The following SPDYE18 variants were observed in gnomAD, a reference collection of about 807,000 sequenced individuals.
The protein encoded by SPDYE18 is speedy/RINGO cell cycle regulator family member E18.
Under a neutral mutation model 44.9 loss-of-function variants are expected in SPDYE18, and 6 were observed. The ratio of observed to expected loss-of-function variants is 0.13; its 90% CI spans 0.07 to 0.26. The LOEUF is 0.26. SPDYE18 is among the 10% of genes least tolerant of loss of function. The pLI is 1.00. For missense variants in SPDYE18, 121 were observed against 463.2 expected, an observed-to-expected ratio of 0.26 and a Z score of 6.78; for synonymous variants, 35 against 177.1, an observed-to-expected ratio of 0.20 and a Z score of 6.37.
chr7:77,051,033 T>C lies in SPDYE18; in HGVS notation c.*892A>G, dbSNP rs1176649152. 6.6e-6 allele frequency among the ~76,000 whole-genome samples: 1 copy of C among 151,898 alleles called. No homozygotes were observed. The highest frequency in any genetic ancestry group is 1.5e-5 in the Non-Finnish European group (1 of 67,956). On this transcript the variant is annotated 3_prime_UTR_variant, in exon 9 of 9. Coordinates refer to ENST00000510091, the MANE Select transcript of SPDYE18 (RefSeq NM_001394953.1). ...CGTGTTAGTATATATATCTGAGACATGTTAAAAATCACAACTGAATTCTCA... is the reference window on the plus strand; with the variant it reads ...CGTGTTAGTATATATATCTGAGACACGTTAAAAATCACAACTGAATTCTCA...
rs1790005136 is a variant in SPDYE18, at chr7:77,060,527, C to T, written c.-15G>A. ...GTTCTGTCCATGGCCTTCTTCTGGACACTGCTAGGATCCAGAAGAGTATGT... is the reference window on the plus strand; with the variant it reads ...GTTCTGTCCATGGCCTTCTTCTGGATACTGCTAGGATCCAGAAGAGTATGT... On this transcript the variant is annotated 5_prime_UTR_variant, in exon 2 of 9. Coordinates refer to ENST00000510091, the MANE Select transcript of SPDYE18 (RefSeq NM_001394953.1). 2.6e-6 allele frequency: 4 copies of T among 1,534,994 alleles called. 1 individual carries two copies. The highest frequency in any genetic ancestry group is 3.5e-6 in the Non-Finnish European group (4 of 1,146,762).
intron 3 of SPDYE18, among the ~76,000 whole-genome samples, chr7:77,058,116 CTTTTTT>C (rs375559743): frequency 9.5e-4 from 59 of 62,216 alleles, no homozygotes; most frequent in Middle Eastern, 0.011. Flanking sequence ...CTCTGAGTCT[CTTTTTT>C]TTTTTTTTTT....
intron 3 of SPDYE18, among the ~76,000 whole-genome samples, chr7:77,058,194 C>T (rs6978687): frequency 9.0e-6 from 1 of 110,510 alleles, no homozygotes; most frequent in Admixed American, 1.1e-4. Flanking sequence ...TGTAGTGGTG[C>T]GATCTTGGCT....
chr7:77,056,503 C>T lies in SPDYE18; in HGVS notation c.669+47G>A, dbSNP rs1231349690. ...TGGGTTTGGAAGCTGCGCCCTCCCC[C>T]CAGCCATGCGTTGGAACAGGAACAG... On this transcript the variant is annotated intron_variant, in intron 5 of 8. Transcript: ENST00000510091. 29 of 616,042 alleles carry T rather than the reference C, an allele frequency of 4.7e-5. 2 individuals are homozygous for T. The highest frequency in any genetic ancestry group is 7.6e-5 in the Non-Finnish European group (29 of 383,966). The allele number at this position is 616,042 out of a possible 1,614,324, so 38.2% of individuals were successfully genotyped here.
At position 77,058,920 on chromosome 7, in the gene SPDYE18, C is replaced by T. The variant is rs988003133; in HGVS notation, c.379+260G>A. Among the ~76,000 whole-genome samples the T allele has an allele frequency of 2.1e-4, 32 of 151,034 alleles. 1 individual carries two copies. Among genetic ancestry groups the T allele is most frequent in the African/African-American group, 7.2e-4 (30 of 41,434 alleles). On this transcript the variant is annotated intron_variant, in intron 3 of 8. Transcript: ENST00000510091. ...CAATCCTCTTGCCTCAGCCTCCCAG[C>T]GTGCTAGGATCTCAGGCGTGAGCCA...
chr7:77,058,472 C>T (rs1181722638), intron 3 of SPDYE18, among the ~76,000 whole-genome samples: 4 of 123,380 alleles, frequency 3.2e-5, no homozygotes, highest in East Asian at 4.8e-4. Flanking sequence ...TCACGTGCTC[C>T]TTCCTGACTT....
intron 6 of SPDYE18, among the ~76,000 whole-genome samples, chr7:77,054,745 T>C (rs1789887212): frequency 6.8e-6 from 1 of 146,898 alleles, no homozygotes; most frequent in Admixed American, 6.9e-5. Context: ...ATTTGTACAC[T>C]GGCATTGGAG....
chr7:77,052,391 C>T (rs533665500), intron 8 of SPDYE18, among the ~76,000 whole-genome samples: 674 of 152,154 alleles, frequency 4.4e-3, no homozygotes, highest in African/African-American at 0.014. Context: ...CGACCCAAAT[C>T]GGTAACTCAA....
chr7:77,059,686 G>A (rs1264144329), intron 2 of SPDYE18, among the ~76,000 whole-genome samples: 1 of 150,962 alleles, frequency 6.6e-6, no homozygotes, highest in Non-Finnish European at 1.5e-5. Flanking sequence ...ATCTTGGTTT[G>A]TCACCCAGGC....
chr7:77,051,968 A>C (rs1302686602), intron 8 of SPDYE18, among the ~76,000 whole-genome samples, 89 bp from the exon 9 acceptor site: 1 of 145,346 alleles, frequency 6.9e-6, no homozygotes, highest in Non-Finnish European at 1.5e-5. Flanking sequence ...TCTAGAGTTC[A>C]GAGCAATTGA....
In SPDYE18 at chr7:77,060,358, G is replaced by C. The variant is rs532713813; in HGVS notation, c.155C>G (p.Pro52Arg). 1 of 1,535,278 alleles carries C rather than the reference G, an allele frequency of 6.5e-7. No individual in the cohort carries two copies. The highest frequency in any genetic ancestry group is 1.4e-5 in the African/African-American group (1 of 72,908). The change falls in exon 2 of 9, where the codon CCA becomes CGA. Residue 52 changes from proline (P) to arginine (R), a missense_variant. Coordinates refer to ENST00000510091, the MANE Select transcript of SPDYE18 (RefSeq NM_001394953.1). ...TCTTCCACCAGTCCCCTCACCTGAT[G>C]GTCCCAACACTTCATCATCCACCAC... is the stretch of plus-strand genomic sequence containing the variant. ...QEVVDDEVLG[P>R]SAPGVDPSPP...
rs373554634 is a variant in SPDYE18, at chr7:77,054,236, G to A, written c.755+1000C>T. The stretch of plus-strand genomic sequence containing the variant: ...TGGGTCCTTCCCTTCAGAGCCACAT[G>A]TGTGCGGGACACCCAGACAGAAAAC... On this transcript the variant is annotated intron_variant, in intron 6 of 8. Coordinates refer to ENST00000510091, the MANE Select transcript of SPDYE18 (RefSeq NM_001394953.1). Among the ~76,000 whole-genome samples the A allele has an allele frequency of 5.7e-3, 852 of 148,856 alleles. No individual in the cohort carries two copies. The East Asian group carries it at 0.075, about 13-fold the overall frequency.
intron 5 of SPDYE18, 59 bp from the exon 6 acceptor site, chr7:77,055,380 T>G: frequency 4.9e-6 from 3 of 613,320 alleles, no homozygotes; most frequent in South Asian, 2.0e-5. Flanking sequence ...AGGAAGATTG[T>G]GGAGAGGGGG....
chr7:77,052,634 A>G (rs1321278626), intron 8 of SPDYE18, among the ~76,000 whole-genome samples, 99 bp downstream of exon 8: 1 of 152,280 alleles, frequency 6.6e-6, no homozygotes, highest in Non-Finnish European at 1.5e-5. Flanking sequence ...GGATCTCGCC[A>G]CGTTGCCCAG....
At chr7:77,058,436 A>C (rs1583978746) in intron 3 of SPDYE18, among the ~76,000 whole-genome samples, 2 of 99,512 alleles carry the variant, frequency 2.0e-5, no homozygotes, top group South Asian at 3.8e-4. Flanking sequence ...CTGCCTCAGT[A>C]CCTCCATTCT....
intron 3 of SPDYE18, among the ~76,000 whole-genome samples, chr7:77,058,501 CTTTTTTT>C (rs1158671945): frequency 7.1e-5 from 4 of 56,098 alleles, no homozygotes; most frequent in Admixed American, 2.4e-4. Context: ...TTCCTTCCTT[CTTTTTTT>C]TTTTTTTTTT....
At chr7:77,058,931 C>T (rs1019705878) in intron 3 of SPDYE18, among the ~76,000 whole-genome samples, 27 of 151,990 alleles carry the variant, frequency 1.8e-4, no homozygotes, top group Admixed American at 5.2e-4. Context: ...GTGCTAGGAT[C>T]TCAGGCGTGA....
In SPDYE18 at chr7:77,050,400, C is replaced by A. The variant is rs1789766135; in HGVS notation, c.*1525G>T. On this transcript the variant is annotated 3_prime_UTR_variant, in exon 9 of 9. Transcript: ENST00000510091. The stretch of plus-strand genomic sequence containing the variant: ...ATCCAGACCAATATGATCACAGTTG[C>A]TGTGAAGGTGAGAAAAGTTCATTTT... Among the ~76,000 whole-genome samples the A allele has an allele frequency of 2.6e-5, 4 of 152,286 alleles. No homozygotes were observed. The South Asian group carries it at 8.3e-4, about 32-fold the overall frequency.
Position 77,055,232 on chromosome 7 carries a change from TCA to T in SPDYE18, c.755+2_755+3del. On this transcript the variant is annotated splice_donor_variant and splice_donor_region_variant and intron_variant, in intron 6 of 8. Transcript: ENST00000510091. LOFTEE classifies it high-confidence loss of function. ...TGACGGATAGGAGGAAGCAAACCAC[TCA>T]CAGAGCCAGGAAGAAATGAATGCGT... 8.6e-7 allele frequency: 1 copy of T among 1,161,350 alleles called. No individual in the cohort carries two copies. Among genetic ancestry groups the T allele is most frequent in the East Asian group, 2.4e-5 (1 of 40,860 alleles). 71.9% of individuals were successfully genotyped at this position (1,161,350 alleles called of 1,614,324 possible).
Sources: allele counts gnomAD v4.1 joint callset (sites outside exome capture counted in the v4.1 genomes callset), GRCh38; gene constraint gnomAD v4.1.1; transcripts MANE v1.5; gene names NCBI Gene and HGNC (gene_info 2026-07-23, HGNC 2026-07-21).